ACTR3C: variants seen among roughly 807,000 people sequenced by gnomAD.
ACTR3C encodes actin related protein 3C.
ACTR3C carries 18 observed loss-of-function variants against 26.3 expected under a neutral mutation model. That is an observed-to-expected ratio of 0.68 (90% CI 0.47 to 1.01). ACTR3C has a LOEUF of 1.01. ACTR3C is among the 50% of genes least tolerant of loss of function. The pLI is 0.00. For synonymous variants in ACTR3C, 55 were observed against 94.5 expected, an observed-to-expected ratio of 0.58 and a Z score of 2.42; for missense variants, 184 against 250.7, an observed-to-expected ratio of 0.73 and a Z score of 1.80.
the ACTR3C span, among the ~76,000 whole-genome samples, chr7:149,946,060 G>A: frequency 6.6e-6 from 1 of 152,170 alleles, no homozygotes; most frequent in Non-Finnish European, 1.5e-5. Flanking sequence ...GCACTTTGGT[G>A]GATTCTCCCA....
intron 3 of ACTR3C, among the ~76,000 whole-genome samples, chr7:150,291,685 T>C (rs1462139884): frequency 3.3e-5 from 5 of 151,972 alleles, no homozygotes; most frequent in African/African-American, 4.8e-5. Flanking sequence ...ACATAAGAAA[T>C]AGGCAAAGAA....
the ACTR3C span, among the ~76,000 whole-genome samples, chr7:150,156,187 G>C: frequency 1.3e-5 from 2 of 152,098 alleles, no homozygotes; most frequent in Non-Finnish European, 2.9e-5. Flanking sequence ...TCTCACCAGA[G>C]GGTCAGCAGC....
chr7:150,082,158 C>T, the ACTR3C span, among the ~76,000 whole-genome samples: 5 of 152,184 alleles, frequency 3.3e-5, no homozygotes, highest in African/African-American at 1.2e-4. Context: ...TTTCCATATA[C>T]AGGGACACTT....
the ACTR3C span, among the ~76,000 whole-genome samples, chr7:150,067,381 G>A: frequency 6.6e-6 from 1 of 152,180 alleles, no homozygotes; most frequent in African/African-American, 2.4e-5. Flanking sequence ...AAGGAACACT[G>A]TCTTAACCAC....
At chr7:150,309,908 C>G (rs534886367) in intron 1 of ACTR3C, among the ~76,000 whole-genome samples, 3 of 152,046 alleles carry the variant, frequency 2.0e-5, no homozygotes, top group Non-Finnish European at 4.4e-5. Context: ...AGGGTAAGTC[C>G]GTCCCCTTTT....
the ACTR3C span, among the ~76,000 whole-genome samples, chr7:150,162,214 A>C: frequency 1.3e-5 from 2 of 152,234 alleles, no homozygotes; most frequent in Non-Finnish European, 2.9e-5. Context: ...CTTCACATCC[A>C]GGGTTGGCTC....
chr7:150,031,031 C>T, the ACTR3C span, among the ~76,000 whole-genome samples: 1 of 152,048 alleles, frequency 6.6e-6, no homozygotes, highest in Non-Finnish European at 1.5e-5. Context: ...CCAAGGCAGG[C>T]AGATCACCTG....
At chr7:150,016,902 C>T in the ACTR3C span, among the ~76,000 whole-genome samples, 3 of 152,088 alleles carry the variant, frequency 2.0e-5, no homozygotes, top group South Asian at 6.2e-4. Context: ...AACATTCTTA[C>T]ATAAGAGAAG....
chr7:150,306,315 C>T (rs2129614789), intron 1 of ACTR3C, among the ~76,000 whole-genome samples: 1 of 151,908 alleles, frequency 6.6e-6, no homozygotes, highest in South Asian at 2.1e-4. Flanking sequence ...CTCCACATGC[C>T]TAAGATTAGA....
chr7:150,176,112 A>C, the ACTR3C span, among the ~76,000 whole-genome samples: 1 of 150,874 alleles, frequency 6.6e-6, no homozygotes, highest in East Asian at 1.9e-4. Context: ...ATACATGGCA[A>C]AAAAACACAT....
the ACTR3C span, among the ~76,000 whole-genome samples, chr7:149,913,312 G>C: frequency 6.6e-6 from 1 of 152,062 alleles, no homozygotes; most frequent in East Asian, 1.9e-4. Context: ...AAAAAGAAAC[G>C]TTCCCTATTT....
chr7:150,137,430 G>A, the ACTR3C span, among the ~76,000 whole-genome samples: 1 of 152,200 alleles, frequency 6.6e-6, no homozygotes, highest in Non-Finnish European at 1.5e-5. Flanking sequence ...AAACTGAGGG[G>A]TGGCAAAGCT....
chr7:149,947,052 G>C, the ACTR3C span, among the ~76,000 whole-genome samples: 1 of 151,680 alleles, frequency 6.6e-6, no homozygotes, highest in Non-Finnish European at 1.5e-5. Context: ...ACTGGAGCGG[G>C]GGGTACCACG....
the ACTR3C span, among the ~76,000 whole-genome samples, chr7:150,011,273 C>T: frequency 6.6e-6 from 1 of 151,916 alleles, no homozygotes; most frequent in Non-Finnish European, 1.5e-5. Context: ...CATCAAAGGT[C>T]TATATTTTGA....
chr7:150,102,940 CT>C, the ACTR3C span, among the ~76,000 whole-genome samples: 157 of 152,188 alleles, frequency 1.0e-3, 1 homozygote, highest in Admixed American at 3.2e-3. Context: ...CGTCTAGGAG[CT>C]TTTTGTTGTT....
the ACTR3C span, among the ~76,000 whole-genome samples, chr7:150,194,544 T>G: frequency 2.0e-5 from 3 of 151,830 alleles, no homozygotes; most frequent in African/African-American, 7.2e-5. Context: ...AATTTGTATG[T>G]ATAAACCATT....
chr7:149,883,755 G>T, the ACTR3C span, among the ~76,000 whole-genome samples: 1 of 152,276 alleles, frequency 6.6e-6, no homozygotes, highest in East Asian at 1.9e-4. Flanking sequence ...TGGAGGAAAC[G>T]CCCTTCAGGA....
rs375119294 is a variant in ACTR3C at position 150,298,430 on chromosome 7, G to A, written c.-51-3083C>T. The stretch of plus-strand genomic sequence containing the variant: ...ACACAGTAGCATGCCATACCAGTCC[G>A]ATTAAGAGATGTGAAGTCAAACTGA... On this transcript the variant is annotated intron_variant, in intron 1 of 7. Transcript: ENST00000683684. 4.7e-5 allele frequency among the ~76,000 whole-genome samples: 7 copies of A among 150,380 alleles called. No individual in the cohort carries two copies. The South Asian group carries it at 8.7e-4, about 19-fold the overall frequency.
At chr7:149,900,896 G>A in the ACTR3C span, among the ~76,000 whole-genome samples, 3 of 152,050 alleles carry the variant, frequency 2.0e-5, no homozygotes, top group Non-Finnish European at 4.4e-5. Context: ...AGCCGGGCGT[G>A]GTGGTGGGCA....
Sources: allele counts gnomAD v4.1 joint callset (sites outside exome capture counted in the v4.1 genomes callset), GRCh38; gene constraint gnomAD v4.1.1; transcripts MANE v1.5; gene names NCBI Gene and HGNC (gene_info 2026-07-23, HGNC 2026-07-21).